CNTNAP4: variants seen among roughly 807,000 people sequenced by gnomAD.
CNTNAP4 encodes the protein contactin-associated protein-like 4.
A neutral mutation model predicts 148.4 loss-of-function variants in CNTNAP4; 98 were observed. That is an observed-to-expected ratio of 0.66 (90% CI 0.56 to 0.78). CNTNAP4 has a LOEUF of 0.78. Among genes scored for constraint, CNTNAP4 ranks in the 30% least tolerant of loss-of-function variants. The pLI is 0.00. For synonymous variants in CNTNAP4, 730 were observed against 565.1 expected, an observed-to-expected ratio of 1.29 and a Z score of -4.14; for missense variants, 1,935 against 1,565.6, an observed-to-expected ratio of 1.24 and a Z score of -3.98.
intron 8 of CNTNAP4, among the ~76,000 whole-genome samples, chr16:76,457,025 A>T (rs1458760465): frequency 6.6e-6 from 1 of 152,192 alleles, no homozygotes; most frequent in South Asian, 2.1e-4. Context: ...TTTTATTATT[A>T]TGACAACATG....
At chr16:76,427,116 G>A (rs535833675) in intron 3 of CNTNAP4, among the ~76,000 whole-genome samples, 1 of 152,112 alleles carries the variant, frequency 6.6e-6, no homozygotes, top group South Asian at 2.1e-4. Context: ...AATTTTTTTG[G>A]TGCTATTCAC....
chr16:76,535,510 G>A (rs1416067655), intron 17 of CNTNAP4, 35 bp from the exon 18 acceptor site: 3 of 1,607,864 alleles, frequency 1.9e-6, no homozygotes, highest in Non-Finnish European at 2.5e-6. Context: ...AAAACACCTA[G>A]GAACATGTTT....
At chr16:76,470,756 C>G (rs1031111248) in intron 10 of CNTNAP4, among the ~76,000 whole-genome samples, 1 of 151,978 alleles carries the variant, frequency 6.6e-6, no homozygotes, top group Admixed American at 6.6e-5. Flanking sequence ...AACTGTAATA[C>G]TTTAAGTTGG....
chr16:76,384,783 T>C lies in CNTNAP4; in HGVS notation c.390+29272T>C, dbSNP rs2016347201. 2.0e-5 allele frequency among the ~76,000 whole-genome samples: 3 copies of C among 152,194 alleles called. No homozygotes were observed. In the South Asian group the frequency reaches 6.2e-4, roughly 31 times the overall value. ...CAAGCATATATAACACATTTTCAAATAAGCTTTTATTTTACTACAGTTAAT... is the reference window on the plus strand; with the variant it reads ...CAAGCATATATAACACATTTTCAAACAAGCTTTTATTTTACTACAGTTAAT... On this transcript the variant is annotated intron_variant, in intron 3 of 23. Coordinates refer to ENST00000611870, the MANE Select transcript of CNTNAP4 (RefSeq NM_033401.5).
chr16:76,344,974 C>T (rs1031872520), intron 2 of CNTNAP4, among the ~76,000 whole-genome samples: 1 of 152,200 alleles, frequency 6.6e-6, no homozygotes, highest in Non-Finnish European at 1.5e-5. Context: ...GGTTGGATCT[C>T]TGTGCCAAGG....
intron 3 of CNTNAP4, among the ~76,000 whole-genome samples, chr16:76,407,036 A>G (rs1047422647): frequency 6.6e-6 from 1 of 152,172 alleles, no homozygotes; most frequent in Admixed American, 6.5e-5. Context: ...GGAGAAGTCA[A>G]TGTGTGACTT....
At chr16:76,368,038 A>G (rs2014365024) in intron 3 of CNTNAP4, among the ~76,000 whole-genome samples, 1 of 152,158 alleles carries the variant, frequency 6.6e-6, no homozygotes, top group Non-Finnish European at 1.5e-5. Context: ...AATATTCCCA[A>G]GTGATTTCAA....
intron 3 of CNTNAP4, among the ~76,000 whole-genome samples, chr16:76,392,561 G>A (rs1182111428): frequency 6.6e-6 from 1 of 150,422 alleles, no homozygotes; most frequent in Non-Finnish European, 1.5e-5. Flanking sequence ...ACGTTCTTGA[G>A]GAAATGGAGG....
Position 76,355,400 on chromosome 16 carries a change from T to G in CNTNAP4, c.279T>G (p.Ala93=). The G allele has an allele frequency of 6.2e-7, 1 of 1,611,582 alleles. No individual in the cohort carries two copies. Among genetic ancestry groups the G allele is most frequent in the Non-Finnish European group, 8.5e-7 (1 of 1,178,606 alleles). Residue 93 remains alanine (A), a synonymous_variant, in exon 3 of 24, where the codon GCT becomes GCG. Transcript: ENST00000611870. ...IDLGERMEVT[A]VATQGGYGSS... is the part of the protein sequence containing the mutation. Reference sequence around the variant, plus strand: ...TTGGAGAGAGAATGGAGGTCACCGCTGTGGCCACTCAAGGGGGATATGGTA... The same window carrying G: ...TTGGAGAGAGAATGGAGGTCACCGCGGTGGCCACTCAAGGGGGATATGGTA...
At chr16:76,305,437 G>T (rs1960381732) in intron 1 of CNTNAP4, among the ~76,000 whole-genome samples, 2 of 151,916 alleles carry the variant, frequency 1.3e-5, no homozygotes, top group Non-Finnish European at 2.9e-5. Context: ...GTGCTTTCCT[G>T]ATGTTTATTT....
At chr16:76,430,666 C>G (rs2079574064) in intron 4 of CNTNAP4, among the ~76,000 whole-genome samples, 1 of 152,154 alleles carries the variant, frequency 6.6e-6, no homozygotes, top group African/African-American at 2.4e-5. Flanking sequence ...AACTGGCCAT[C>G]CTCCCCTGTC....
intron 3 of CNTNAP4, among the ~76,000 whole-genome samples, chr16:76,370,456 C>CA (rs879498595): frequency 6.6e-6 from 1 of 152,156 alleles, no homozygotes; most frequent in Admixed American, 6.5e-5. Context: ...GGCTCAGCCA[C>CA]TACCAAGTAG....
chr16:76,480,679 A>C (rs367856324), intron 12 of CNTNAP4, among the ~76,000 whole-genome samples: 46 of 152,262 alleles, frequency 3.0e-4, no homozygotes, highest in African/African-American at 7.2e-4. Context: ...TGGAGGTTGC[A>C]TTGAGCCAAG....
intron 4 of CNTNAP4, among the ~76,000 whole-genome samples, chr16:76,447,630 T>A (rs1040529206): frequency 6.6e-6 from 1 of 152,194 alleles, no homozygotes; most frequent in African/African-American, 2.4e-5. Context: ...CTCAAGTACC[T>A]ATCCAGCCAT....
intron 2 of CNTNAP4, among the ~76,000 whole-genome samples, chr16:76,335,611 A>T (rs1963952478): frequency 6.6e-6 from 1 of 152,246 alleles, no homozygotes; most frequent in East Asian, 1.9e-4. Context: ...GCTGTATGGA[A>T]TCCTCCTTTC....
rs755287521 is a variant in CNTNAP4 at position 76,535,570 on chromosome 16, C to T, written c.2781C>T (p.Gly927=). Residue 927 remains glycine, a synonymous_variant, in exon 18 of 24, where the codon GGC becomes GGT. Transcript: ENST00000611870. ...FVGGTATRQR[G]FLGCIRSLQL... ...GTGGAACGGCCACCAGACAGAGAGG[C>T]TTTCTGGGCTGCATTCGGTCTCTGC... is the stretch of plus-strand genomic sequence containing the variant. 22 of 1,612,382 alleles carry T rather than the reference C, an allele frequency of 1.4e-5. No homozygotes were observed. The highest frequency in any genetic ancestry group is 1.9e-5 in the Non-Finnish European group (22 of 1,179,904).
At chr16:76,541,711 T>C (rs1269632094) in intron 21 of CNTNAP4, among the ~76,000 whole-genome samples, 1 of 152,194 alleles carries the variant, frequency 6.6e-6, no homozygotes, top group Non-Finnish European at 1.5e-5. Context: ...ATGATCAAAA[T>C]ATTGGCCCCT....
intron 1 of CNTNAP4, among the ~76,000 whole-genome samples, chr16:76,278,507 A>G (rs551202580): frequency 7.2e-5 from 11 of 152,346 alleles, no homozygotes; most frequent in East Asian, 3.9e-4. Flanking sequence ...TAATTTAGAT[A>G]TCATCCATAA....
At chr16:76,453,736 A>T (rs2143272409) in intron 8 of CNTNAP4, among the ~76,000 whole-genome samples, 1 of 152,330 alleles carries the variant, frequency 6.6e-6, no homozygotes, top group Admixed American at 6.5e-5. Flanking sequence ...ATACAAATGG[A>T]TATACAAATG....
Sources: gnomAD v4.1 joint callset for allele counts (sites outside exome capture counted in the v4.1 genomes callset) on GRCh38, gnomAD v4.1.1 for gene constraint, MANE v1.5 for transcripts, NCBI Gene and HGNC (gene_info 2026-07-23, HGNC 2026-07-21) for gene names.